The following ZSWIM3 variants were observed in gnomAD, a reference collection of about 807,000 sequenced individuals.
ZSWIM3 encodes the protein zinc finger SWIM domain-containing protein 3.
In ZSWIM3, 27 loss-of-function variants were observed where a neutral mutation model predicts 47.5. The ratio of observed to expected loss-of-function variants is 0.57; its 90% CI spans 0.42 to 0.78. The LOEUF is 0.78. ZSWIM3 is among the 30% of genes least tolerant of loss of function. The pLI is 0.00. For synonymous variants in ZSWIM3, 333 were observed against 333.9 expected, an observed-to-expected ratio of 1.00 and a Z score of 0.03; for missense variants, 689 against 861.3, an observed-to-expected ratio of 0.80 and a Z score of 2.50.
At chr20:45,861,623 A>G (rs192054684) in intron 1 of ZSWIM3, among the ~76,000 whole-genome samples, 362 of 152,246 alleles carry the variant, frequency 2.4e-3, no homozygotes, top group Non-Finnish European at 3.3e-3. Flanking sequence ...TGCCCAGGCT[A>G]GAGTACAGTG....
chr20:45,874,197 C>T lies in ZSWIM3; in HGVS notation c.156-2517C>T, dbSNP rs529267648. 9.9e-5 allele frequency among the ~76,000 whole-genome samples: 15 copies of T among 152,222 alleles called. No individual in the cohort carries two copies. The South Asian group carries it at 1.7e-3, about 17-fold the overall frequency. On this transcript the variant is annotated intron_variant, in intron 1 of 1. Coordinates refer to ENST00000255152, the MANE Select transcript of ZSWIM3 (RefSeq NM_080752.4). ...AGAAGTTGGACACCAACCTGGGCAA[C>T]GGTGAGACCTTGTCTCAAAAAAGAA...
intron 1 of ZSWIM3, among the ~76,000 whole-genome samples, chr20:45,874,809 C>G (rs921833067): frequency 2.0e-5 from 3 of 151,956 alleles, no homozygotes; most frequent in Non-Finnish European, 2.9e-5. Context: ...AAATGGCAAC[C>G]AAGAGAGAAT....
chr20:45,860,595 G>GC (rs1452360230), intron 1 of ZSWIM3, among the ~76,000 whole-genome samples: 1 of 150,878 alleles, frequency 6.6e-6, no homozygotes, highest in African/African-American at 2.4e-5. Context: ...TTGGGTCATG[G>GC]CCCCCTTCCT....
At chr20:45,864,940 G>A (rs1985800420) in intron 1 of ZSWIM3, among the ~76,000 whole-genome samples, 2 of 152,210 alleles carry the variant, frequency 1.3e-5, no homozygotes, top group Non-Finnish European at 2.9e-5. Context: ...GGAGGCCCAG[G>A]TGGGTGGATC....
At chr20:45,872,762 C>T (rs1182191517) in intron 1 of ZSWIM3, 2 of 1,289,444 alleles carry the variant, frequency 1.6e-6, no homozygotes, top group Admixed American at 2.3e-5. Flanking sequence ...TACTACTGGA[C>T]TGCTCCAGCC....
intron 1 of ZSWIM3, among the ~76,000 whole-genome samples, chr20:45,875,250 G>T (rs920336324): frequency 6.6e-6 from 1 of 151,810 alleles, no homozygotes. Context: ...CACTATGTTA[G>T]CCAGAATGGT....
intron 1 of ZSWIM3, among the ~76,000 whole-genome samples, chr20:45,871,051 G>T (rs1985963677): frequency 6.6e-6 from 1 of 152,126 alleles, no homozygotes; most frequent in South Asian, 2.1e-4. Flanking sequence ...CTTAATGAGT[G>T]CTAGGTTGAA....
chr20:45,867,001 A>ATTTTTTTTTT (rs143983594), intron 1 of ZSWIM3, among the ~76,000 whole-genome samples: 1 of 131,180 alleles, frequency 7.6e-6, no homozygotes. Context: ...TCAAGTTAGA[A>ATTTTTTTTTT]ATTTTTTTTT....
Position 45,878,774 on chromosome 20 carries a change from T to C in ZSWIM3, c.*125T>C. 1.6e-6 allele frequency: 2 copies of C among 1,253,036 alleles called. No homozygotes were observed. The highest frequency in any genetic ancestry group is 2.2e-6 in the Non-Finnish European group (2 of 922,940). The allele number at this position is 1,253,036 out of a possible 1,614,324, so 77.6% of individuals were successfully genotyped here. ...TCTTCCTAGGTGGGGCTAGGAATAT[T>C]GTTACAGTAGAGAGGAAGGGAACTC... is the stretch of plus-strand genomic sequence containing the variant. On this transcript the variant is annotated 3_prime_UTR_variant, in exon 2 of 2. Transcript: ENST00000255152.
At chr20:45,869,904 C>A (rs1985929329) in intron 1 of ZSWIM3, among the ~76,000 whole-genome samples, 1 of 151,504 alleles carries the variant, frequency 6.6e-6, no homozygotes, top group South Asian at 2.1e-4. Context: ...ATTAACCAGG[C>A]GTGGTGGCGG....
chr20:45,874,304 G>A (rs1986041220), intron 1 of ZSWIM3, among the ~76,000 whole-genome samples: 1 of 152,182 alleles, frequency 6.6e-6, no homozygotes, highest in Non-Finnish European at 1.5e-5. Flanking sequence ...TTGAGGTCAG[G>A]GGTTCGAGAC....
At chr20:45,865,554 G>GGCAATTCTTTTTCTGGAAAAGCTT (rs1985818620) in intron 1 of ZSWIM3, among the ~76,000 whole-genome samples, 1 of 146,328 alleles carries the variant, frequency 6.8e-6, no homozygotes, top group South Asian at 2.2e-4. Context: ...AAAGGTGATT[G>GGCAATTCTTTTTCTGGAAAAGCTT]GCAATTCTTT....
intron 1 of ZSWIM3, 65 bp downstream of exon 1, chr20:45,858,045 C>CCT: frequency 6.5e-7 from 1 of 1,541,982 alleles, no homozygotes; most frequent in Non-Finnish European, 8.8e-7. Flanking sequence ...CGGAGGGCTG[C>CCT]CTGGAGGAGG....
intron 1 of ZSWIM3, chr20:45,872,736 C>T (rs1270336864): frequency 7.8e-7 from 1 of 1,289,242 alleles, no homozygotes; most frequent in African/African-American, 1.5e-5. Flanking sequence ...GTGGTCACCC[C>T]TCACTGGCCT....
At chr20:45,863,170 T>G (rs1022193497) in intron 1 of ZSWIM3, among the ~76,000 whole-genome samples, 4 of 89,282 alleles carry the variant, frequency 4.5e-5, no homozygotes, top group Admixed American at 1.3e-4. Context: ...GATTTCCTTG[T>G]TTTTTTTTTT....
At chr20:45,869,390 G>T (rs188782325) in intron 1 of ZSWIM3, among the ~76,000 whole-genome samples, 8 of 151,796 alleles carry the variant, frequency 5.3e-5, no homozygotes, top group Non-Finnish European at 1.0e-4. Flanking sequence ...ATGATGGTGG[G>T]CGCCTGTAAT....
At position 45,876,957 on chromosome 20, in the gene ZSWIM3, A is replaced by G; in HGVS notation, c.399A>G (p.Thr133=). Residue 133 remains threonine (T), a synonymous_variant, in exon 2 of 2, where the codon ACA becomes ACG. Coordinates refer to ENST00000255152, the MANE Select transcript of ZSWIM3 (RefSeq NM_080752.4). ...AGAGACTCCAGCCTGTGCAGCCCAC[A>G]ACCAAAAAAGACCTTGACACTGCCG... The part of the protein sequence containing the change: ...CLQRLQPVQP[T]TKKDLDTAEK... The G allele has an allele frequency of 1.9e-6, 3 of 1,614,166 alleles. No individual in the cohort carries two copies. Among genetic ancestry groups the G allele is most frequent in the Non-Finnish European group, 2.5e-6 (3 of 1,180,042 alleles).
intron 1 of ZSWIM3, among the ~76,000 whole-genome samples, chr20:45,862,023 TG>T (rs1480669082): frequency 6.6e-6 from 1 of 152,050 alleles, no homozygotes; most frequent in African/African-American, 2.4e-5. Flanking sequence ...AGCGAGACTC[TG>T]TCTCAAAATA....
At chr20:45,869,301 T>C (rs1985914564) in intron 1 of ZSWIM3, among the ~76,000 whole-genome samples, 1 of 151,536 alleles carries the variant, frequency 6.6e-6, no homozygotes, top group Non-Finnish European at 1.5e-5. Flanking sequence ...GGTGGATTGC[T>C]TGAGGCCCGG....
Sources: allele counts gnomAD v4.1 joint callset (sites outside exome capture counted in the v4.1 genomes callset), GRCh38; gene constraint gnomAD v4.1.1; transcripts MANE v1.5; gene names NCBI Gene and HGNC (gene_info 2026-07-23, HGNC 2026-07-21).